The following SRBD1 variants were observed in gnomAD, a reference collection of about 807,000 sequenced individuals.
SRBD1 encodes the protein S1 RNA binding domain 1.
SRBD1 carries 88 observed loss-of-function variants against 115.3 expected under a neutral mutation model. The observed-to-expected ratio is 0.76, with a 90% CI of 0.64 to 0.91. The LOEUF (loss-of-function observed/expected upper bound fraction) is 0.91. SRBD1 is among the 40% of genes least tolerant of loss of function. The probability of loss-of-function intolerance (pLI) is 0.00; values close to 1 mark genes in which losing one functional copy is unlikely to be tolerated. For synonymous variants in SRBD1, 509 were observed against 407.7 expected, an observed-to-expected ratio of 1.25 and a Z score of -2.99; for missense variants, 1,385 against 1,177.4, an observed-to-expected ratio of 1.18 and a Z score of -2.58.
At chr2:45,451,701 T>C (rs1408314336) in intron 16 of SRBD1, among the ~76,000 whole-genome samples, 1 of 151,594 alleles carries the variant, frequency 6.6e-6, no homozygotes, top group African/African-American at 2.4e-5. Context: ...TTTTTTAACA[T>C]TACATACTTC....
At chr2:45,570,656 G>T (rs1052222827) in intron 9 of SRBD1, among the ~76,000 whole-genome samples, 2 of 152,202 alleles carry the variant, frequency 1.3e-5, no homozygotes, top group Admixed American at 1.3e-4. Flanking sequence ...GAAAGAAGTT[G>T]CAGAATTTCT....
intron 16 of SRBD1, among the ~76,000 whole-genome samples, chr2:45,424,553 A>T (rs1244784115): frequency 6.6e-6 from 1 of 152,204 alleles, no homozygotes; most frequent in Non-Finnish European, 1.5e-5. Context: ...GTATTTAGGT[A>T]TTAAAAACCT....
At chr2:45,588,158 A>G (rs1237389363) in intron 4 of SRBD1, among the ~76,000 whole-genome samples, 1 of 152,212 alleles carries the variant, frequency 6.6e-6, no homozygotes, top group East Asian at 1.9e-4. Flanking sequence ...CAGTATACAC[A>G]AAGCAACAAG....
intron 16 of SRBD1, among the ~76,000 whole-genome samples, chr2:45,462,583 G>A (rs566086854): frequency 6.6e-6 from 1 of 151,184 alleles, no homozygotes; most frequent in East Asian, 1.9e-4. Flanking sequence ...CACATCAGCA[G>A]AGTTAAAAGT....
chr2:45,472,267 T>C (rs540809761), intron 16 of SRBD1, among the ~76,000 whole-genome samples: 8 of 152,206 alleles, frequency 5.3e-5, no homozygotes, highest in Non-Finnish European at 1.2e-4. Context: ...TCCATGTATA[T>C]GAAGTATCTA....
chr2:45,510,169 C>T (rs72616994), intron 14 of SRBD1, among the ~76,000 whole-genome samples: 6,053 of 152,212 alleles, frequency 0.04, 208 homozygotes, highest in East Asian at 0.12. Context: ...TGTATATACT[C>T]TACTTGTTTA....
intron 15 of SRBD1, among the ~76,000 whole-genome samples, chr2:45,487,748 G>T (rs541425190): frequency 6.6e-6 from 1 of 152,182 alleles, no homozygotes; most frequent in South Asian, 2.1e-4. Flanking sequence ...TCTGCCTCCT[G>T]GGTTCAAGCA....
chr2:45,428,321 C>T (rs539375066), intron 16 of SRBD1, among the ~76,000 whole-genome samples: 19 of 152,118 alleles, frequency 1.2e-4, no homozygotes, highest in Admixed American at 5.9e-4. Context: ...GAGGCCGAGG[C>T]GGGCGGATCA....
At chr2:45,413,921 G>A (rs1196310964) in intron 18 of SRBD1, among the ~76,000 whole-genome samples, 3 of 151,996 alleles carry the variant, frequency 2.0e-5, no homozygotes, top group East Asian at 3.9e-4. Context: ...AACAGAGGGA[G>A]AGACTGTCTC....
At chr2:45,600,812 C>G (rs1270838488) in intron 3 of SRBD1, among the ~76,000 whole-genome samples, 1 of 152,250 alleles carries the variant, frequency 6.6e-6, no homozygotes, top group East Asian at 1.9e-4. Context: ...ATGAACAATT[C>G]CCAAACTAAA....
chr2:45,573,253 A>C lies in SRBD1; in HGVS notation c.1259T>G (p.Leu420Arg). ...VNEKDVDKFL[L>R]YQHFSCNIRN... ...TATGTTGCAGGAAAAATGCTGGTAG[A>C]GCAGAAACTTATCAACATCTTTCTC... The change falls in exon 9 of 21, where the codon CTC becomes CGC. Residue 420 changes from leucine to arginine, a missense_variant. Leu to Arg is a moderately radical substitution (Grantham distance 102). Coordinates refer to ENST00000263736, the MANE Select transcript of SRBD1 (RefSeq NM_018079.5). The C allele has an allele frequency of 6.2e-7, 1 of 1,612,026 alleles. No homozygotes were observed. The highest frequency in any genetic ancestry group is 8.5e-7 in the Non-Finnish European group (1 of 1,179,208).
chr2:45,397,132 G>C (rs1222114124), intron 19 of SRBD1, among the ~76,000 whole-genome samples: 1 of 152,098 alleles, frequency 6.6e-6, no homozygotes. Context: ...AATAGGTACA[G>C]GTAGACAGAG....
At chr2:45,593,824 G>C (rs1673799922) in intron 4 of SRBD1, among the ~76,000 whole-genome samples, 1 of 152,102 alleles carries the variant, frequency 6.6e-6, no homozygotes, top group African/African-American at 2.4e-5. Context: ...TTTCCTTACA[G>C]ATTGCAAAAG....
chr2:45,519,511 T>G (rs1157422014), intron 14 of SRBD1, among the ~76,000 whole-genome samples: 1 of 152,216 alleles, frequency 6.6e-6, no homozygotes, highest in African/African-American at 2.4e-5. Context: ...ATTTTCATTG[T>G]GTCTCCTGTG....
chr2:45,610,219 G>T (rs1449312916), intron 1 of SRBD1, among the ~76,000 whole-genome samples: 2 of 152,232 alleles, frequency 1.3e-5, no homozygotes, highest in East Asian at 3.9e-4. Context: ...TAGGACGACT[G>T]CAAATCAGGA....
chr2:45,568,247 A>C (rs969877269), intron 9 of SRBD1, among the ~76,000 whole-genome samples: 3 of 152,234 alleles, frequency 2.0e-5, no homozygotes, highest in Non-Finnish European at 4.4e-5. Flanking sequence ...ATGCAGCTGG[A>C]AGAATTTACT....
intron 19 of SRBD1, among the ~76,000 whole-genome samples, chr2:45,407,264 T>A (rs547149220): frequency 1.3e-5 from 2 of 152,334 alleles, no homozygotes; most frequent in South Asian, 4.1e-4. Flanking sequence ...TACTGGACCA[T>A]TAACTATTCC....
intron 14 of SRBD1, among the ~76,000 whole-genome samples, chr2:45,533,905 G>C (rs1004135462): frequency 6.6e-6 from 1 of 151,948 alleles, no homozygotes; most frequent in Admixed American, 6.6e-5. Context: ...TATTGGATCT[G>C]GCAACAAAAG....
intron 6 of SRBD1, among the ~76,000 whole-genome samples, 183 bp from the exon 7 acceptor site, chr2:45,580,196 C>CT (rs1673307022): frequency 6.6e-6 from 1 of 152,090 alleles, no homozygotes; most frequent in Admixed American, 6.6e-5. Flanking sequence ...ATGGTATGTG[C>CT]TTTATCTTAT....
Sources: allele counts gnomAD v4.1 joint callset (sites outside exome capture counted in the v4.1 genomes callset), GRCh38; gene constraint gnomAD v4.1.1; transcripts MANE v1.5; gene names NCBI Gene and HGNC (gene_info 2026-07-23, HGNC 2026-07-21).